BICRA: variants seen among roughly 807,000 people sequenced by gnomAD.
BICRA encodes the protein BRD4-interacting chromatin-remodeling complex-associated protein.
Under a neutral mutation model 96.9 loss-of-function variants are expected in BICRA, and 31 were observed. That is an observed-to-expected ratio of 0.32 (90% CI 0.24 to 0.43). The LOEUF is 0.43. Among genes scored for constraint, BICRA ranks in the 20% least tolerant of loss-of-function variants. The probability of loss-of-function intolerance (pLI) is 1.00; values close to 1 mark genes in which losing one functional copy is unlikely to be tolerated. For synonymous variants in BICRA, 1,350 were observed against 1,071.8 expected (o/e 1.26, Z -5.07); for missense variants, 2,283 against 2,190.3 (o/e 1.04, Z -0.84).
intron 1 of BICRA, among the ~76,000 whole-genome samples, chr19:47,636,440 C>T (rs1972301462): frequency 6.6e-6 from 1 of 152,140 alleles, no homozygotes; most frequent in Admixed American, 6.5e-5. Flanking sequence ...AACTCTTGAG[C>T]TCAAGTGATC....
intron 1 of BICRA, among the ~76,000 whole-genome samples, chr19:47,641,800 T>A (rs1055171544): frequency 3.3e-5 from 5 of 152,132 alleles, no homozygotes; most frequent in African/African-American, 7.2e-5. Context: ...ATATATATAT[T>A]TTTTCCTTGC....
chr19:47,627,174 C>T (rs1437697196), intron 1 of BICRA, among the ~76,000 whole-genome samples: 3 of 152,228 alleles, frequency 2.0e-5, no homozygotes, highest in South Asian at 2.1e-4. Flanking sequence ...TCTCCTTTTA[C>T]GCTTCCTGAT....
chr19:47,621,032 C>T (rs1232865915), intron 1 of BICRA, among the ~76,000 whole-genome samples: 8 of 152,016 alleles, frequency 5.3e-5, no homozygotes, highest in Non-Finnish European at 1.2e-4. Context: ...TGTACTCACT[C>T]CCTAAGTGCT....
chr19:47,615,279 G>T (rs1971966595), intron 1 of BICRA, among the ~76,000 whole-genome samples: 1 of 152,208 alleles, frequency 6.6e-6, no homozygotes, highest in African/African-American at 2.4e-5. Context: ...ACCGTGCCCG[G>T]CCCCTCATGC....
At chr19:47,685,495 C>T (rs751723843) in intron 7 of BICRA, among the ~76,000 whole-genome samples, 1 of 152,048 alleles carries the variant, frequency 6.6e-6, no homozygotes, top group East Asian at 1.9e-4. Flanking sequence ...GCTGAATAGA[C>T]GGACGGATGG....
intron 7 of BICRA, among the ~76,000 whole-genome samples, chr19:47,688,579 A>G (rs1224642877): frequency 6.6e-6 from 1 of 152,044 alleles, no homozygotes; most frequent in Non-Finnish European, 1.5e-5. Flanking sequence ...TCACGAGGTC[A>G]AGATATCGAG....
chr19:47,685,799 G>A lies in BICRA; in HGVS notation c.2283+3647G>A, dbSNP rs571892009. On this transcript the variant is annotated intron_variant, in intron 7 of 14. Coordinates refer to ENST00000594866, the MANE Select transcript of BICRA (RefSeq NM_001394372.1). The stretch of plus-strand genomic sequence containing the variant: ...TGTGTGTGTGTGTGCGCGCGCGCGC[G>A]CATGCGTACATTTTCCCTTTGTGTT... Among the ~76,000 whole-genome samples the A allele has an allele frequency of 2.6e-3, 391 of 148,828 alleles. 2 individuals are homozygous for A. The highest frequency in any genetic ancestry group is 0.01 in the Middle Eastern group (3 of 290).
chr19:47,634,864 G>A (rs1028106865), intron 1 of BICRA, among the ~76,000 whole-genome samples: 1 of 147,272 alleles, frequency 6.8e-6, no homozygotes, highest in Non-Finnish European at 1.5e-5. Context: ...CCGGGTTTAC[G>A]CCATTCTCCT....
chr19:47,682,026 T>C lies in BICRA; in HGVS notation c.2157T>C (p.Pro719=), dbSNP rs1436867389. 2.5e-6 allele frequency: 4 copies of C among 1,570,204 alleles called. No individual in the cohort carries two copies. The highest frequency in any genetic ancestry group is 3.4e-6 in the Non-Finnish European group (4 of 1,161,090). The change falls in exon 7 of 15, where the codon CCT becomes CCC. Residue 719 remains proline, a synonymous_variant. Coordinates refer to ENST00000594866, the MANE Select transcript of BICRA (RefSeq NM_001394372.1). ...LSAEGPHLSV[P]ASVIVSAPPP... ...CAGAGGGCCCCCACCTCTCCGTGCC[T>C]GCCTCGGTCATAGTCAGCGCCCCGC...
In BICRA at chr19:47,699,278, C is replaced by T; in HGVS notation, c.3493-25C>T. The T allele has an allele frequency of 7.4e-7, 1 of 1,360,128 alleles. No homozygotes were observed. Among genetic ancestry groups the T allele is most frequent in the Non-Finnish European group, 1.0e-6 (1 of 971,476 alleles). 84.3% of individuals were successfully genotyped at this position (1,360,128 alleles called of 1,614,324 possible). A position where few individuals can be genotyped will look rare whatever the true frequency, so the allele number is the denominator to read the frequency against. ...TTCCCCCTTCTTGCTGGTTCACTCGCACGTCGTCTTTTCCCCCACCCCAGA... is the reference window on the plus strand; with the variant it reads ...TTCCCCCTTCTTGCTGGTTCACTCGTACGTCGTCTTTTCCCCCACCCCAGA... On this transcript the variant is annotated intron_variant, in intron 13 of 14. Transcript: ENST00000594866. The surrounding 1 kb of genome is among the most constrained non-coding windows in gnomAD (Gnocchi z 5.0).
chr19:47,679,239 A>T, intron 5 of BICRA, 82 bp from the exon 6 acceptor site: 1 of 1,041,534 alleles, frequency 9.6e-7, no homozygotes, highest in Non-Finnish European at 1.3e-6. Context: ...CTGTCACCTC[A>T]GCATTCTTTG....
At chr19:47,608,784 C>G (rs1453441291), upstream of BICRA, among the ~76,000 whole-genome samples, 1 of 151,094 alleles carries the variant, frequency 6.6e-6, no homozygotes, top group Non-Finnish European at 1.5e-5. Flanking sequence ...CTGGTCCGCC[C>G]GGACGCGGGG....
At chr19:47,655,195 T>C (rs1972596383) in intron 1 of BICRA, among the ~76,000 whole-genome samples, 1 of 152,098 alleles carries the variant, frequency 6.6e-6, no homozygotes, top group African/African-American at 2.4e-5. Flanking sequence ...TGCCATGTTT[T>C]CTATATTTTT....
At chr19:47,693,561 G>A (rs990813275) in intron 7 of BICRA, among the ~76,000 whole-genome samples, 3 of 152,218 alleles carry the variant, frequency 2.0e-5, no homozygotes, top group Non-Finnish European at 4.4e-5. Flanking sequence ...GGCAGCCCCC[G>A]TGCCGTGGCC....
intron 1 of BICRA, among the ~76,000 whole-genome samples, chr19:47,634,672 A>C (rs957112720): frequency 6.6e-6 from 1 of 151,840 alleles, no homozygotes; most frequent in African/African-American, 2.4e-5. Flanking sequence ...GCACCATCTC[A>C]GTAAATGGCA....
rs140607065 is a variant in BICRA at position 47,630,467 on chromosome 19, C to T, written c.-108+21299C>T. Among the ~76,000 whole-genome samples the T allele has an allele frequency of 1.6e-4, 24 of 152,188 alleles. No homozygotes were observed. The South Asian group carries it at 3.1e-3, about 20-fold the overall frequency. ...GATTACAGGTGTGAGCCACTGCGCC[C>T]GGCCTATATTGGCTAATTCTAGGTA... On this transcript the variant is annotated intron_variant, in intron 1 of 14. Transcript: ENST00000594866.
intron 1 of BICRA, among the ~76,000 whole-genome samples, chr19:47,654,721 G>A (rs918353653): frequency 6.6e-6 from 1 of 151,630 alleles, no homozygotes; most frequent in African/African-American, 2.4e-5. Context: ...GGGAGGCTGA[G>A]GTGGGAAGAT....
At chr19:47,662,999 C>T (rs538692078) in intron 1 of BICRA, 3 of 152,208 alleles carry the variant, frequency 2.0e-5, no homozygotes, top group Non-Finnish European at 4.4e-5. Flanking sequence ...CTTTTTGCGT[C>T]AGGTTGTATT....
At chr19:47,659,489 G>T (rs1246625693) in intron 1 of BICRA, among the ~76,000 whole-genome samples, 1 of 152,070 alleles carries the variant, frequency 6.6e-6, no homozygotes, top group East Asian at 1.9e-4. Context: ...ATGGTGCTTT[G>T]TCCGAGAGGG....
Sources: gnomAD v4.1 joint callset for allele counts (sites outside exome capture counted in the v4.1 genomes callset) on GRCh38, gnomAD v4.1.1 for gene constraint, Gnocchi (gnomAD v3.1) non-coding constraint, MANE v1.5 for transcripts, NCBI Gene and HGNC (gene_info 2026-07-23, HGNC 2026-07-21) for gene names.